The following PRRX1 variants were observed in gnomAD, a reference collection of about 807,000 sequenced individuals.
PRRX1 encodes paired related homeobox 1.
A neutral mutation model predicts 24.0 loss-of-function variants in PRRX1; 8 were observed. The ratio of observed to expected loss-of-function variants is 0.33; its 90% CI spans 0.20 to 0.60. The LOEUF (loss-of-function observed/expected upper bound fraction) is 0.60. Ranked by LOEUF, PRRX1 falls within the 20% of genes least tolerant of loss-of-function variation. The pLI is 0.82. For synonymous variants in PRRX1, 160 were observed against 131.7 expected, an observed-to-expected ratio of 1.22 and a Z score of -1.47; for missense variants, 281 against 322.4, an observed-to-expected ratio of 0.87 and a Z score of 0.98.
chr1:170,690,191 A>G (rs547715967), intron 1 of PRRX1, among the ~76,000 whole-genome samples: 1 of 152,016 alleles, frequency 6.6e-6, no homozygotes, highest in Middle Eastern at 3.4e-3. Flanking sequence ...AGTATTAGAA[A>G]TATTGCATCA....
At chr1:170,705,694 T>A (rs1308801814) in intron 1 of PRRX1, among the ~76,000 whole-genome samples, 1 of 152,140 alleles carries the variant, frequency 6.6e-6, no homozygotes, top group African/African-American at 2.4e-5. Context: ...TATGTCAAAG[T>A]GAGCTAGCAG....
At chr1:170,706,290 A>G (rs1180041725) in intron 1 of PRRX1, among the ~76,000 whole-genome samples, 2 of 152,246 alleles carry the variant, frequency 1.3e-5, no homozygotes, top group Non-Finnish European at 2.9e-5. Flanking sequence ...ATAGATTCCA[A>G]AAATGGAGGT....
chr1:170,680,980 G>C (rs1653485746), intron 1 of PRRX1, among the ~76,000 whole-genome samples: 1 of 152,160 alleles, frequency 6.6e-6, no homozygotes. Context: ...TTTTAGGTGA[G>C]CGAGGAGACT....
At chr1:170,673,579 C>A (rs1409870039) in intron 1 of PRRX1, among the ~76,000 whole-genome samples, 2 of 152,240 alleles carry the variant, frequency 1.3e-5, no homozygotes, top group South Asian at 4.1e-4. Flanking sequence ...CTTCAAGACT[C>A]TCCATTGGAG....
Position 170,736,391 on chromosome 1 carries a change from G to A in PRRX1, c.*205G>A, listed in dbSNP as rs1655604873. 1.6e-6 allele frequency: 1 copy of A among 644,364 alleles called. No individual in the cohort carries two copies. The highest frequency in any genetic ancestry group is 2.9e-5 in the Admixed American group (1 of 34,552). 39.9% of individuals were successfully genotyped at this position (644,364 alleles called of 1,614,324 possible). A position where few individuals can be genotyped will look rare whatever the true frequency, so the allele number is the denominator to read the frequency against. On this transcript the variant is annotated 3_prime_UTR_variant, in exon 4 of 4. Coordinates refer to ENST00000239461, the MANE Select transcript of PRRX1 (RefSeq NM_022716.4). ...TTAACAAATGTTCCTCCTCCCTCTG[G>A]GATACCACCACCACTTGTTTCTGTG...
intron 1 of PRRX1, among the ~76,000 whole-genome samples, chr1:170,674,244 A>G (rs942136051): frequency 2.6e-5 from 4 of 152,044 alleles, no homozygotes; most frequent in Admixed American, 1.3e-4. Context: ...ACGCACGCAC[A>G]CACACACACA....
chr1:170,674,892 A>G (rs1653263756), intron 1 of PRRX1, among the ~76,000 whole-genome samples: 1 of 152,194 alleles, frequency 6.6e-6, no homozygotes, highest in Admixed American at 6.5e-5. Flanking sequence ...GATACAATTA[A>G]TATTTTGGTG....
Position 170,738,142 on chromosome 1 carries a change from T to C in PRRX1, c.*1956T>C, listed in dbSNP as rs576771569. 66 of 219,600 alleles carry C rather than the reference T, an allele frequency of 3.0e-4. No homozygotes were observed. Among genetic ancestry groups the C allele is most frequent in the Non-Finnish European group, 4.7e-4 (51 of 109,140 alleles). 13.6% of individuals were successfully genotyped at this position (219,600 alleles called of 1,614,324 possible). On this transcript the variant is annotated 3_prime_UTR_variant, in exon 4 of 4. Coordinates refer to ENST00000239461, the MANE Select transcript of PRRX1 (RefSeq NM_022716.4). ...TCCTGACCAGCTTAGTTCTAATAAT[T>C]TTTAGTTGTGAGTGATTAAAAAACT...
intron 1 of PRRX1, among the ~76,000 whole-genome samples, chr1:170,712,983 A>C (rs181991046): frequency 6.6e-6 from 1 of 152,332 alleles, no homozygotes; most frequent in Admixed American, 6.5e-5. Flanking sequence ...GGTAGCTTAC[A>C]TATCTGAAGC....
chr1:170,726,464 T>A, intron 3 of PRRX1, 63 bp downstream of exon 3: 1 of 1,557,998 alleles, frequency 6.4e-7, no homozygotes, highest in Admixed American at 1.7e-5. Flanking sequence ...TCGGTCATGT[T>A]TCAAGCTGCT....
In PRRX1 at chr1:170,738,976, A is replaced by T. The variant is rs568438362; in HGVS notation, c.*2790A>T. ...CTAAGCACTTGATCAAGAAATATAC[A>T]TGTTGTACAAGCTCTCAATTTTGTT... On this transcript the variant is annotated 3_prime_UTR_variant, in exon 4 of 4. Coordinates refer to ENST00000239461, the MANE Select transcript of PRRX1 (RefSeq NM_022716.4). The T allele has an allele frequency of 4.4e-6, 1 of 224,912 alleles. No individual in the cohort carries two copies. Among genetic ancestry groups the T allele is most frequent in the Non-Finnish European group, 8.8e-6 (1 of 113,064 alleles). The allele number at this position is 224,912 out of a possible 1,614,324, so 13.9% of individuals were successfully genotyped here.
chr1:170,688,122 T>G (rs1257790950), intron 1 of PRRX1, among the ~76,000 whole-genome samples: 2 of 152,130 alleles, frequency 1.3e-5, no homozygotes, highest in African/African-American at 4.8e-5. Context: ...TTCTCAAAAG[T>G]TGCTATTATT....
At chr1:170,726,599 AGGGG>A in intron 3 of PRRX1, 198 bp downstream of exon 3, 1 of 613,918 alleles carries the variant, frequency 1.6e-6, no homozygotes, top group Non-Finnish European at 2.8e-6. Context: ...CAGAAGTGAG[AGGGG>A]CAGGCTATCT....
intron 2 of PRRX1, among the ~76,000 whole-genome samples, chr1:170,724,918 A>G (rs1235855975): frequency 6.6e-6 from 1 of 152,132 alleles, no homozygotes; most frequent in East Asian, 1.9e-4. Context: ...ATGAGCATAG[A>G]ATGTTTTTCC....
At chr1:170,679,955 G>A (rs1465066547) in intron 1 of PRRX1, among the ~76,000 whole-genome samples, 2 of 151,808 alleles carry the variant, frequency 1.3e-5, no homozygotes, top group East Asian at 3.9e-4. Flanking sequence ...CTTTTTTATG[G>A]TCTGATAAAG....
chr1:170,724,032 T>C (rs1191221309), intron 2 of PRRX1, among the ~76,000 whole-genome samples: 1 of 152,236 alleles, frequency 6.6e-6, no homozygotes, highest in Non-Finnish European at 1.5e-5. Flanking sequence ...ATACGTGGAA[T>C]TGTCATGTTG....
intron 1 of PRRX1, among the ~76,000 whole-genome samples, chr1:170,690,314 G>T (rs1447729322): frequency 1.3e-5 from 2 of 152,038 alleles, no homozygotes; most frequent in Non-Finnish European, 2.9e-5. Context: ...ATCAAGGCAG[G>T]ATATAGAAGG....
intron 3 of PRRX1, chr1:170,726,660 A>G (rs749984911): frequency 5.6e-5 from 25 of 449,106 alleles, no homozygotes; most frequent in Non-Finnish European, 8.8e-5. Flanking sequence ...GGTTTCAAAG[A>G]TGAGGAAGAA....
intron 1 of PRRX1, among the ~76,000 whole-genome samples, chr1:170,699,954 T>G (rs1205351436): frequency 6.6e-6 from 1 of 152,122 alleles, no homozygotes; most frequent in East Asian, 1.9e-4. Context: ...ACTCCTGACC[T>G]CAGGTGATCT....
Sources: allele counts gnomAD v4.1 joint callset (sites outside exome capture counted in the v4.1 genomes callset), GRCh38; gene constraint gnomAD v4.1.1; transcripts MANE v1.5; gene names NCBI Gene and HGNC (gene_info 2026-07-23, HGNC 2026-07-21).